MYO16: variants seen among roughly 807,000 people sequenced by gnomAD.
MYO16 encodes unconventional myosin-XVI.
MYO16 carries 94 observed loss-of-function variants against 205.3 expected under a neutral mutation model. That is an observed-to-expected ratio of 0.46 (90% confidence interval 0.39 to 0.54). The LOEUF (loss-of-function observed/expected upper bound fraction) is 0.54. Ranked by LOEUF, MYO16 falls within the 20% of genes least tolerant of loss-of-function variation. MYO16 has a pLI of 0.00. For synonymous variants in MYO16, 988 were observed against 954.0 expected, an observed-to-expected ratio of 1.04 and a Z score of -0.66; for missense variants, 2,315 against 2,387.5, an observed-to-expected ratio of 0.97 and a Z score of 0.63.
intron 28 of MYO16, among the ~76,000 whole-genome samples, chr13:109,114,972 AC>A (rs1295379837): frequency 1.3e-5 from 2 of 152,192 alleles, no homozygotes; most frequent in Non-Finnish European, 2.9e-5. Context: ...GAAGAGTTCT[AC>A]ATTAGATGTT....
At chr13:108,631,353 G>A (rs1057083326) in intron 1 of MYO16, among the ~76,000 whole-genome samples, 1 of 152,176 alleles carries the variant, frequency 6.6e-6, no homozygotes, top group Admixed American at 6.5e-5. Context: ...GGAGCAGTTG[G>A]TCACCAAACA....
rs1878432320 is a variant in MYO16 at position 109,162,424 on chromosome 13, G to A, written c.5165-2477G>A. The stretch of plus-strand genomic sequence containing the variant: ...CTGACTCATTAGTACCTGGTTTCTT[G>A]AACATGGTGAGCTCTTTCCTGCTTT... On this transcript the variant is annotated intron_variant, in intron 32 of 34. Coordinates refer to ENST00000457511, the MANE Select transcript of MYO16 (RefSeq NM_001198950.3). The surrounding 1 kb of genome is among the most constrained non-coding windows in gnomAD (Gnocchi z 4.6). Among the ~76,000 whole-genome samples, 2 of 152,174 alleles carry A rather than the reference G, an allele frequency of 1.3e-5. No homozygotes were observed. The highest frequency in any genetic ancestry group is 4.8e-5 in the African/African-American group (2 of 41,446).
At chr13:108,886,598 C>A (rs1566391356) in intron 13 of MYO16, 4 of 425,412 alleles carry the variant, frequency 9.4e-6, no homozygotes, top group South Asian at 5.1e-5. Flanking sequence ...CTCCACCCCC[C>A]GTCCTTCCAG....
chr13:108,563,375 T>C, the MYO16 span, among the ~76,000 whole-genome samples: 1 of 152,144 alleles, frequency 6.6e-6, no homozygotes, highest in South Asian at 2.1e-4. Flanking sequence ...TATGATGAAA[T>C]TATTATTGAC....
chr13:109,097,923 G>C (rs1888829990), intron 27 of MYO16, among the ~76,000 whole-genome samples: 1 of 146,242 alleles, frequency 6.8e-6, no homozygotes, highest in Non-Finnish European at 1.5e-5. Context: ...TGACTTTTCA[G>C]TGAGAATGCT....
At chr13:109,186,748 A>AGTT (rs771899681) in intron 34 of MYO16, among the ~76,000 whole-genome samples, 22 of 152,220 alleles carry the variant, frequency 1.4e-4, no homozygotes, top group Non-Finnish European at 2.5e-4. Context: ...ACATGTTTAC[A>AGTT]GTTTGACCAA....
At position 109,100,811 on chromosome 13, in the gene MYO16, T is replaced by C. The variant is rs1888939449; in HGVS notation, c.3362T>C (p.Leu1121Pro). The C allele has an allele frequency of 1.2e-6, 2 of 1,613,578 alleles. No individual in the cohort carries two copies. The highest frequency in any genetic ancestry group is 1.3e-5 in the African/African-American group (1 of 74,912). ...TATAAGCCACTGGCTGATACATTCC[T>C]GCGTGAGAAGAAGGAACAGTCAGCT... ...SRYKPLADTF[L>P]REKKEQSAAE... Residue 1121 changes from leucine to proline, a missense_variant, in exon 28 of 35, where the codon CTG (leucine) becomes CCG (proline). Physicochemically the swap from Leu to Pro is moderately conservative, Grantham distance 98. Coordinates refer to ENST00000457511, the MANE Select transcript of MYO16 (RefSeq NM_001198950.3).
the MYO16 span, among the ~76,000 whole-genome samples, chr13:108,519,138 T>C: frequency 6.6e-6 from 1 of 152,320 alleles, no homozygotes; most frequent in Non-Finnish European, 1.5e-5. Flanking sequence ...TAAACACATT[T>C]CTTGAGTCTG....
the MYO16 span, among the ~76,000 whole-genome samples, chr13:108,583,049 A>T: frequency 2.0e-5 from 3 of 152,218 alleles, no homozygotes; most frequent in African/African-American, 7.2e-5. Flanking sequence ...TAGAATATTT[A>T]AAAATAGATT....
At chr13:108,619,722 T>A (rs1396165963) in intron 1 of MYO16, among the ~76,000 whole-genome samples, 7 of 152,116 alleles carry the variant, frequency 4.6e-5, no homozygotes, top group African/African-American at 1.7e-4. Flanking sequence ...TTTCTACTCA[T>A]TTTACACAAC....
chr13:108,599,004 C>T (rs1315461239), intron 1 of MYO16, among the ~76,000 whole-genome samples: 5 of 121,184 alleles, frequency 4.1e-5, no homozygotes, highest in African/African-American at 1.6e-4. Context: ...CCCCTCCCCC[C>T]ACCCCATCCC....
chr13:108,509,579 A>T, the MYO16 span, among the ~76,000 whole-genome samples: 2 of 152,194 alleles, frequency 1.3e-5, no homozygotes, highest in African/African-American at 4.8e-5. Flanking sequence ...TCAAGCTCTA[A>T]AAGTGGGCTA....
At chr13:108,546,067 G>A in the MYO16 span, among the ~76,000 whole-genome samples, 3 of 152,256 alleles carry the variant, frequency 2.0e-5, no homozygotes, top group Non-Finnish European at 2.9e-5. Context: ...TGGCCTGTGC[G>A]GCACTGTTCT....
the MYO16 span, among the ~76,000 whole-genome samples, chr13:108,510,590 A>T: frequency 1.3e-5 from 1 of 78,652 alleles, no homozygotes; most frequent in Admixed American, 1.4e-4. Context: ...GTCATCTAGC[A>T]TTAGGTATAT....
chr13:109,028,358 A>G, intron 23 of MYO16: 1 of 278,416 alleles, frequency 3.6e-6, no homozygotes, highest in South Asian at 3.5e-5. Context: ...AAGAGAAAAC[A>G]GAAAACAAAA....
At chr13:108,824,510 T>C (rs1049270992) in intron 9 of MYO16, among the ~76,000 whole-genome samples, 3 of 152,078 alleles carry the variant, frequency 2.0e-5, no homozygotes, top group African/African-American at 7.2e-5. Flanking sequence ...ATGGCTAATA[T>C]TTAGTTTGAA....
intron 27 of MYO16, among the ~76,000 whole-genome samples, chr13:109,070,001 G>T (rs1053758553): frequency 5.3e-5 from 8 of 152,100 alleles, no homozygotes; most frequent in Admixed American, 5.2e-4. Context: ...AATTAATTTA[G>T]AAATCTGTCT....
rs538421614 is a variant in MYO16, at chr13:108,910,557, A to G, written c.1925+407A>G. Among the ~76,000 whole-genome samples, 4 of 152,356 alleles carry G rather than the reference A, an allele frequency of 2.6e-5. No homozygotes were observed. The East Asian group carries it at 5.8e-4, about 22-fold the overall frequency. On this transcript the variant is annotated intron_variant, in intron 16 of 34. Transcript: ENST00000457511. ...TCATGGATTAAGATGCACAGCACAC[A>G]TAACCTCAGGGGCTGATTTCCTTTA...
chr13:109,095,806 C>CATGA (rs1888757537), intron 27 of MYO16, among the ~76,000 whole-genome samples: 2 of 152,172 alleles, frequency 1.3e-5, no homozygotes, highest in Non-Finnish European at 2.9e-5. Context: ...TTCCTGAGGG[C>CATGA]ATGAATGAGT....
Sources: allele counts gnomAD v4.1 joint callset (sites outside exome capture counted in the v4.1 genomes callset), GRCh38; gene constraint gnomAD v4.1.1; non-coding constraint Gnocchi (gnomAD v3.1); transcripts MANE v1.5; gene names NCBI Gene and HGNC (gene_info 2026-07-23, HGNC 2026-07-21).